Variants in HECW2 observed in about 807,000 individuals in gnomAD.
HECW2 encodes E3 ubiquitin-protein ligase HECW2.
HECW2 carries 61 observed loss-of-function variants against 175.2 expected under a neutral mutation model. The observed-to-expected ratio is 0.35, with a 90% CI of 0.28 to 0.43. The LOEUF (loss-of-function observed/expected upper bound fraction) is 0.43. Ranked by LOEUF, HECW2 falls within the 20% of genes least tolerant of loss-of-function variation. The pLI is 1.00. For missense variants in HECW2, 1,524 were observed against 2,000.5 expected (o/e 0.76, Z 4.54); for synonymous variants, 671 against 731.0 (o/e 0.92, Z 1.32).
chr2:196,560,268 C>A (rs1205859182), intron 1 of HECW2, among the ~76,000 whole-genome samples: 1 of 152,154 alleles, frequency 6.6e-6, no homozygotes, highest in East Asian at 1.9e-4. Context: ...GCCTCAGCCT[C>A]CCAAGTAGCT....
intron 1 of HECW2, among the ~76,000 whole-genome samples, chr2:196,447,824 G>A (rs1473692408): frequency 2.6e-5 from 4 of 152,144 alleles, no homozygotes; most frequent in Non-Finnish European, 5.9e-5. Context: ...TTGGGAGGCC[G>A]AGGCAGGCAG....
intron 1 of HECW2, among the ~76,000 whole-genome samples, chr2:196,579,602 C>T (rs2125525844): frequency 6.6e-6 from 1 of 152,054 alleles, no homozygotes. Context: ...GGATGAATTG[C>T]CCTCCTACAA....
chr2:196,293,427 T>C (rs758934269), intron 13 of HECW2, among the ~76,000 whole-genome samples: 18 of 152,194 alleles, frequency 1.2e-4, no homozygotes, highest in Admixed American at 9.2e-4. Flanking sequence ...GTTGATTCCA[T>C]GTCTTTGCTA....
At chr2:196,478,190 CA>C (rs1686723876) in intron 1 of HECW2, among the ~76,000 whole-genome samples, 1 of 152,164 alleles carries the variant, frequency 6.6e-6, no homozygotes, top group Non-Finnish European at 1.5e-5. Context: ...GCAGAAAATT[CA>C]AAAGGAGAAA....
chr2:196,463,186 T>G (rs778711458), intron 1 of HECW2, among the ~76,000 whole-genome samples: 12 of 152,022 alleles, frequency 7.9e-5, no homozygotes, highest in Non-Finnish European at 1.3e-4. Context: ...CTCTTTCACA[T>G]GAGATTAGGA....
intron 21 of HECW2, among the ~76,000 whole-genome samples, chr2:196,234,081 T>A (rs1688152847): frequency 6.6e-6 from 1 of 152,206 alleles, no homozygotes; most frequent in Non-Finnish European, 1.5e-5. Context: ...ATTGATGTCA[T>A]ATTGATGGCA....
intron 1 of HECW2, among the ~76,000 whole-genome samples, chr2:196,447,438 C>A (rs1302757647): frequency 6.6e-6 from 1 of 152,064 alleles, no homozygotes; most frequent in African/African-American, 2.4e-5. Flanking sequence ...GATGTTCCAA[C>A]AATAAACTGA....
At chr2:196,513,210 A>G (rs1688017454) in intron 1 of HECW2, among the ~76,000 whole-genome samples, 1 of 152,202 alleles carries the variant, frequency 6.6e-6, no homozygotes, top group African/African-American at 2.4e-5. Flanking sequence ...ATCTACCACA[A>G]TGAAGGTGGT....
At chr2:196,411,369 T>C (rs1176598546) in intron 2 of HECW2, among the ~76,000 whole-genome samples, 1 of 152,128 alleles carries the variant, frequency 6.6e-6, no homozygotes, top group Non-Finnish European at 1.5e-5. Flanking sequence ...TAGTGGGTGC[T>C]ATCACTTCTA....
intron 1 of HECW2, among the ~76,000 whole-genome samples, chr2:196,491,980 A>C (rs566346605): frequency 2.6e-5 from 4 of 152,192 alleles, no homozygotes; most frequent in Non-Finnish European, 5.9e-5. Flanking sequence ...AAAGAGAAAC[A>C]ATTTTGTAAA....
Position 196,358,585 on chromosome 2 carries a change from C to CA in HECW2, c.293-14822dup, listed in dbSNP as rs144181608. On this transcript the variant is annotated intron_variant, in intron 2 of 28. Transcript: ENST00000644978. ...TGGGAGACAGAGCAAGACTCTGTCT[C>CA]AAAAAAAAAAAAAAAAAAAAAAAAA... Among the ~76,000 whole-genome samples, 19 of 67,352 alleles carry CA rather than the reference C, an allele frequency of 2.8e-4. 1 individual carries two copies. The highest frequency in any genetic ancestry group is 5.3e-4 in the East Asian group (1 of 1,870). The allele number at this position is 67,352 out of a possible 152,430, so 44.2% of individuals were successfully genotyped here.
intron 1 of HECW2, among the ~76,000 whole-genome samples, chr2:196,560,347 T>C (rs1055131431): frequency 2.6e-5 from 4 of 152,160 alleles, no homozygotes; most frequent in Non-Finnish European, 4.4e-5. Flanking sequence ...GGTTTCACCA[T>C]GTTAGCCAGG....
intron 2 of HECW2, among the ~76,000 whole-genome samples, chr2:196,386,453 G>C (rs1291651269): frequency 2.0e-5 from 3 of 152,310 alleles, no homozygotes; most frequent in Non-Finnish European, 4.4e-5. Context: ...TAACATGCTT[G>C]AGAAGCAGCA....
intron 1 of HECW2, among the ~76,000 whole-genome samples, chr2:196,575,122 A>G (rs1457836888): frequency 1.3e-5 from 2 of 149,288 alleles, no homozygotes; most frequent in African/African-American, 5.0e-5. Flanking sequence ...GATCCCGAAC[A>G]GACATTTTGC....
At chr2:196,389,037 A>G (rs571334079) in intron 2 of HECW2, among the ~76,000 whole-genome samples, 1 of 152,226 alleles carries the variant, frequency 6.6e-6, no homozygotes, top group African/African-American at 2.4e-5. Flanking sequence ...TAGTTCCTAG[A>G]ATCTGAAGCA....
intron 2 of HECW2, among the ~76,000 whole-genome samples, chr2:196,401,188 G>GT (rs748528823): frequency 5.3e-5 from 8 of 151,958 alleles, no homozygotes; most frequent in Non-Finnish European, 1.0e-4. Context: ...AGCACTATTT[G>GT]TAATATCAAA....
intron 1 of HECW2, among the ~76,000 whole-genome samples, chr2:196,516,132 G>T (rs1334149652): frequency 6.6e-6 from 1 of 152,118 alleles, no homozygotes; most frequent in Admixed American, 6.6e-5. Context: ...GCAAAACTCT[G>T]TCTCAATAAA....
At chr2:196,569,994 A>G (rs1690328446) in intron 1 of HECW2, among the ~76,000 whole-genome samples, 1 of 152,260 alleles carries the variant, frequency 6.6e-6, no homozygotes, top group Non-Finnish European at 1.5e-5. Context: ...ACCTGTGAAT[A>G]GCCAACGCAC....
intron 15 of HECW2, among the ~76,000 whole-genome samples, chr2:196,276,169 G>A (rs947279408): frequency 8.5e-5 from 13 of 152,124 alleles, no homozygotes; most frequent in East Asian, 3.9e-4. Context: ...CCAGACCAGC[G>A]GACAGTGGGC....
Sources: allele counts gnomAD v4.1 joint callset (sites outside exome capture counted in the v4.1 genomes callset), GRCh38; gene constraint gnomAD v4.1.1; transcripts MANE v1.5; gene names NCBI Gene and HGNC (gene_info 2026-07-23, HGNC 2026-07-21).